Variants in PLXNA4 observed in about 807,000 individuals in gnomAD.
PLXNA4 encodes plexin-A4.
Under a neutral mutation model 191.8 loss-of-function variants are expected in PLXNA4, and 44 were observed. That is an observed-to-expected ratio of 0.23 (90% CI 0.18 to 0.29). The LOEUF (loss-of-function observed/expected upper bound fraction) is 0.29. PLXNA4 is among the 10% of genes least tolerant of loss of function. The pLI is 1.00. For missense variants in PLXNA4, 1,800 were observed against 2,488.8 expected, an observed-to-expected ratio of 0.72 and a Z score of 5.89; for synonymous variants, 1,082 against 1,009.5, an observed-to-expected ratio of 1.07 and a Z score of -1.36.
intron 1 of PLXNA4, among the ~76,000 whole-genome samples, chr7:132,647,463 T>A (rs560965219): frequency 1.3e-5 from 2 of 151,418 alleles, no homozygotes; most frequent in South Asian, 4.2e-4. Context: ...ACATACACAG[T>A]CACACATATA....
intron 3 of PLXNA4, among the ~76,000 whole-genome samples, chr7:132,426,981 C>G (rs1278405691): frequency 6.6e-6 from 1 of 152,148 alleles, no homozygotes; most frequent in Admixed American, 6.5e-5. Flanking sequence ...TCACCTGTAC[C>G]CCCTTGGGAC....
At chr7:132,466,000 C>T (rs1796685342) in intron 3 of PLXNA4, among the ~76,000 whole-genome samples, 1 of 152,150 alleles carries the variant, frequency 6.6e-6, no homozygotes, top group Admixed American at 6.5e-5. Context: ...GCCAGGTACC[C>T]ACGCAGGTCA....
chr7:132,591,687 ACT>A (rs1203015633), intron 2 of PLXNA4, among the ~76,000 whole-genome samples: 1 of 152,144 alleles, frequency 6.6e-6, no homozygotes, highest in Non-Finnish European at 1.5e-5. Flanking sequence ...CATATAAAGG[ACT>A]TAGCACAGGA....
chr7:132,639,022 T>C (rs966188244), intron 2 of PLXNA4, among the ~76,000 whole-genome samples: 4 of 152,186 alleles, frequency 2.6e-5, no homozygotes, highest in African/African-American at 9.7e-5. Context: ...ACCCCTCGCA[T>C]GGTGCTCTAG....
chr7:132,156,185 C>CACACAT (rs1218557602), intron 25 of PLXNA4, among the ~76,000 whole-genome samples: 1 of 147,030 alleles, frequency 6.8e-6, no homozygotes, highest in African/African-American at 2.5e-5. Flanking sequence ...CACACACAGA[C>CACACAT]GCACACACGC....
chr7:132,562,084 C>G (rs1801175297), intron 1 of PLXNA4, among the ~76,000 whole-genome samples: 1 of 112,132 alleles, frequency 8.9e-6, no homozygotes, highest in Non-Finnish European at 1.8e-5. Flanking sequence ...TCCTCCTCCT[C>G]TCCCTCCTCC....
At chr7:132,502,493 A>G (rs1007040413) in intron 2 of PLXNA4, among the ~76,000 whole-genome samples, 6 of 152,136 alleles carry the variant, frequency 3.9e-5, no homozygotes, top group African/African-American at 1.2e-4. Context: ...TGGAAATGTG[A>G]GAGGTTTTCT....
chr7:132,565,838 T>C (rs1801698607), intron 1 of PLXNA4, among the ~76,000 whole-genome samples: 1 of 152,184 alleles, frequency 6.6e-6, no homozygotes, highest in African/African-American at 2.4e-5. Flanking sequence ...TGGGAATCAA[T>C]ACAAGCTGTT....
At chr7:132,336,950 T>C (rs1356372310) in intron 3 of PLXNA4, among the ~76,000 whole-genome samples, 2 of 152,238 alleles carry the variant, frequency 1.3e-5, no homozygotes, top group African/African-American at 4.8e-5. Context: ...CTACCACTTC[T>C]AGCTTCCTGC....
At chr7:132,301,012 G>T (rs1801284224) in intron 3 of PLXNA4, among the ~76,000 whole-genome samples, 1 of 152,206 alleles carries the variant, frequency 6.6e-6, no homozygotes, top group African/African-American at 2.4e-5. Flanking sequence ...CTTGGGGGAT[G>T]GACAGAGGGG....
At chr7:132,463,373 C>T (rs1269919244) in intron 3 of PLXNA4, among the ~76,000 whole-genome samples, 1 of 152,054 alleles carries the variant, frequency 6.6e-6, no homozygotes, top group East Asian at 1.9e-4. Flanking sequence ...TCTTAGAGCA[C>T]ATGAGGAAAA....
chr7:132,630,660 T>C (rs930491482), intron 2 of PLXNA4, among the ~76,000 whole-genome samples: 4 of 152,030 alleles, frequency 2.6e-5, no homozygotes, highest in African/African-American at 7.3e-5. Context: ...TACAGGCGTC[T>C]GCCACCACAC....
chr7:132,279,185 A>G (rs1800386960), intron 4 of PLXNA4, among the ~76,000 whole-genome samples: 1 of 152,224 alleles, frequency 6.6e-6, no homozygotes, highest in Non-Finnish European at 1.5e-5. Flanking sequence ...AGTGGTGCAC[A>G]CTGTGATGGG....
chr7:132,502,215 C>T (rs1798285024), intron 2 of PLXNA4, among the ~76,000 whole-genome samples: 1 of 152,174 alleles, frequency 6.6e-6, no homozygotes, highest in African/African-American at 2.4e-5. Flanking sequence ...AATGTGAGGC[C>T]AGCCCAAGTC....
intron 3 of PLXNA4, among the ~76,000 whole-genome samples, chr7:132,298,896 A>G (rs752520506): frequency 3.2e-4 from 48 of 152,266 alleles, no homozygotes; most frequent in Non-Finnish European, 5.4e-4. Context: ...ACTCAGCTGA[A>G]TAGATCATCC....
intron 2 of PLXNA4, among the ~76,000 whole-genome samples, chr7:132,617,113 A>G (rs1304065159): frequency 6.6e-6 from 1 of 152,138 alleles, no homozygotes; most frequent in African/African-American, 2.4e-5. Context: ...GTTTCGTTAC[A>G]TCAGCACAAC....
At chr7:132,363,490 G>T (rs750380333) in intron 3 of PLXNA4, among the ~76,000 whole-genome samples, 1 of 152,110 alleles carries the variant, frequency 6.6e-6, no homozygotes, top group Non-Finnish European at 1.5e-5. Flanking sequence ...TGTCTTCAAG[G>T]TTCATCCATG....
chr7:132,187,649 G>A, intron 14 of PLXNA4, 42 bp from the exon 15 acceptor site: 3 of 1,573,854 alleles, frequency 1.9e-6, no homozygotes, highest in Non-Finnish European at 2.6e-6. Flanking sequence ...CCAGGAAGGG[G>A]TGGAGGAGGC....
intron 27 of PLXNA4, 88 bp downstream of exon 27, chr7:132,147,812 G>A (rs1354271797): frequency 3.2e-6 from 5 of 1,568,242 alleles, no homozygotes; most frequent in Non-Finnish European, 4.4e-6. Context: ...CCCTCTCCAA[G>A]AGTCTCCTGC....
Sources: allele counts gnomAD v4.1 joint callset (sites outside exome capture counted in the v4.1 genomes callset), GRCh38; gene constraint gnomAD v4.1.1; transcripts MANE v1.5; gene names NCBI Gene and HGNC (gene_info 2026-07-23, HGNC 2026-07-21).